The following FARS2 variants were observed in gnomAD, a reference collection of about 807,000 sequenced individuals.
The protein encoded by FARS2 is phenylalanyl-tRNA synthetase 2, mitochondrial, also known as phenylalanine--tRNA ligase, mitochondrial.
In FARS2, 40 loss-of-function variants were observed where a neutral mutation model predicts 46.4. The observed-to-expected ratio is 0.86, with a 90% CI of 0.67 to 1.12. The LOEUF (loss-of-function observed/expected upper bound fraction) is 1.12, where lower values mean the gene tolerates loss of function less well. FARS2 is among the 50% of genes most tolerant of loss of function. The probability of loss-of-function intolerance (pLI) is 0.00; values close to 1 mark genes in which losing one functional copy is unlikely to be tolerated. For synonymous variants in FARS2, 234 were observed against 214.9 expected, an observed-to-expected ratio of 1.09 and a Z score of -0.78; for missense variants, 513 against 567.9, an observed-to-expected ratio of 0.90 and a Z score of 0.98.
chr6:5,707,740 C>T (rs1314713232), intron 6 of FARS2, among the ~76,000 whole-genome samples: 1 of 152,198 alleles, frequency 6.6e-6, no homozygotes, highest in Non-Finnish European at 1.5e-5. Flanking sequence ...GTGGAGCAGC[C>T]ACGTCCTTCC....
chr6:5,416,993 G>T (rs1762277679), intron 3 of FARS2, among the ~76,000 whole-genome samples: 1 of 152,098 alleles, frequency 6.6e-6, no homozygotes, highest in African/African-American at 2.4e-5. Flanking sequence ...AGCTTTTAAA[G>T]ATATTTAAAT....
chr6:5,345,161 T>C (rs769591089), intron 1 of FARS2, among the ~76,000 whole-genome samples: 1 of 151,894 alleles, frequency 6.6e-6, no homozygotes, highest in Non-Finnish European at 1.5e-5. Context: ...ACAATGTATG[T>C]GAAGTGCCTG....
intron 6 of FARS2, among the ~76,000 whole-genome samples, chr6:5,734,230 C>G (rs1173535268): frequency 2.0e-5 from 3 of 152,220 alleles, no homozygotes; most frequent in South Asian, 2.1e-4. Context: ...CTTCCTGCCC[C>G]CCGCAGACCA....
At chr6:5,496,753 A>G (rs1767490331) in intron 4 of FARS2, among the ~76,000 whole-genome samples, 1 of 152,068 alleles carries the variant, frequency 6.6e-6, no homozygotes, top group Non-Finnish European at 1.5e-5. Flanking sequence ...TTACCTCTTA[A>G]TTACCTCTTT....
intron 4 of FARS2, among the ~76,000 whole-genome samples, chr6:5,531,132 T>C (rs1010193026): frequency 6.6e-5 from 10 of 152,086 alleles, no homozygotes; most frequent in African/African-American, 2.4e-4. Context: ...AACTCTTGCC[T>C]ATGAGCATCC....
At chr6:5,548,056 A>G (rs994539021) in intron 5 of FARS2, among the ~76,000 whole-genome samples, 14 of 152,236 alleles carry the variant, frequency 9.2e-5, no homozygotes, top group African/African-American at 3.1e-4. Context: ...CACTTCTTAC[A>G]TGGCAGCAGC....
intron 1 of FARS2, among the ~76,000 whole-genome samples, chr6:5,289,647 G>C (rs543772839): frequency 6.6e-6 from 1 of 152,368 alleles, no homozygotes; most frequent in East Asian, 1.9e-4. Flanking sequence ...AGTCTGATTG[G>C]TTGCAGGAGG....
upstream of FARS2, among the ~76,000 whole-genome samples, chr6:5,259,687 A>T (rs184806230): frequency 2.6e-4 from 39 of 152,290 alleles, no homozygotes; most frequent in Admixed American, 1.7e-3. Context: ...CATCCAATCC[A>T]CAGTCTGGCC....
At chr6:5,676,099 A>C (rs891858272) in intron 6 of FARS2, among the ~76,000 whole-genome samples, 1 of 152,242 alleles carries the variant, frequency 6.6e-6, no homozygotes, top group Non-Finnish European at 1.5e-5. Context: ...ATGGCAGTCA[A>C]AACAACCTGA....
At chr6:5,375,976 A>T (rs753653522) in intron 2 of FARS2, among the ~76,000 whole-genome samples, 17 of 152,180 alleles carry the variant, frequency 1.1e-4, no homozygotes, top group Non-Finnish European at 1.8e-4. Flanking sequence ...AGTTGGCTAC[A>T]TTGTGTTAAA....
rs560122712 is a variant in FARS2 at position 5,531,451 on chromosome 6, G to A, written c.905-13729G>A. The stretch of plus-strand genomic sequence containing the variant: ...AAATCTAGGACTCAGGAAGGAAAGG[G>A]GATGGTCCAAAGTGAGTTTTTTTGA... On this transcript the variant is annotated intron_variant, in intron 4 of 6. Transcript: ENST00000274680. 5.9e-5 allele frequency among the ~76,000 whole-genome samples: 9 copies of A among 152,282 alleles called. No homozygotes were observed. The South Asian group carries it at 1.9e-3, about 32-fold the overall frequency.
At chr6:5,456,638 G>A (rs149848970) in intron 4 of FARS2, among the ~76,000 whole-genome samples, 39 of 145,818 alleles carry the variant, frequency 2.7e-4, no homozygotes, top group African/African-American at 9.3e-4. Context: ...GGCTGAGGCA[G>A]GAGAATTGCT....
rs375107608 is a variant in FARS2, at chr6:5,548,760, A to T, written c.1065+3420A>T. Among the ~76,000 whole-genome samples, 36 of 152,314 alleles carry T rather than the reference A, an allele frequency of 2.4e-4. No individual in the cohort carries two copies. In the South Asian group the frequency reaches 6.4e-3, roughly 27 times the overall value. ...ATAGACTCTTGATCTCTTGCACTAA[A>T]TGTCATTTTTTTTCTCCTTTCTGCC... On this transcript the variant is annotated intron_variant, in intron 5 of 6. Coordinates refer to ENST00000274680, the MANE Select transcript of FARS2 (RefSeq NM_006567.5).
At chr6:5,350,979 TC>T (rs1437115967) in intron 1 of FARS2, among the ~76,000 whole-genome samples, 2 of 152,358 alleles carry the variant, frequency 1.3e-5, no homozygotes, top group East Asian at 3.9e-4. Flanking sequence ...GTTGTTACTT[TC>T]TGCCAAATTC....
At chr6:5,674,616 T>C (rs963302714) in intron 6 of FARS2, among the ~76,000 whole-genome samples, 2 of 152,192 alleles carry the variant, frequency 1.3e-5, no homozygotes, top group African/African-American at 4.8e-5. Flanking sequence ...TCAAATTTGT[T>C]TTTTTTCACA....
At chr6:5,550,619 C>T (rs1771316297) in intron 5 of FARS2, among the ~76,000 whole-genome samples, 1 of 152,148 alleles carries the variant, frequency 6.6e-6, no homozygotes. Context: ...GTTTTATTAC[C>T]CTGGCTTTTG....
At chr6:5,514,577 T>C (rs552563914) in intron 4 of FARS2, among the ~76,000 whole-genome samples, 37 of 152,348 alleles carry the variant, frequency 2.4e-4, no homozygotes, top group African/African-American at 8.4e-4. Context: ...AAAGTAATCA[T>C]GGTTTCAGTT....
chr6:5,636,837 A>C (rs1776567296), intron 6 of FARS2, among the ~76,000 whole-genome samples: 1 of 152,142 alleles, frequency 6.6e-6, no homozygotes, highest in Non-Finnish European at 1.5e-5. Flanking sequence ...TCATTAGCCT[A>C]AGTGTCCACC....
intron 6 of FARS2, among the ~76,000 whole-genome samples, chr6:5,631,472 A>C (rs999846033): frequency 6.6e-6 from 1 of 152,230 alleles, no homozygotes; most frequent in Non-Finnish European, 1.5e-5. Context: ...AACAAAATTC[A>C]AGGTCCCTCT....
Sources: allele counts gnomAD v4.1 joint callset (sites outside exome capture counted in the v4.1 genomes callset), GRCh38; gene constraint gnomAD v4.1.1; transcripts MANE v1.5; gene names NCBI Gene and HGNC (gene_info 2026-07-23, HGNC 2026-07-21).